The following PACRG variants were observed in gnomAD, a reference collection of about 807,000 sequenced individuals.
The protein encoded by PACRG is parkin coregulated, also known as parkin coregulated gene protein.
Under a neutral mutation model 29.7 loss-of-function variants are expected in PACRG, and 29 were observed. The observed-to-expected ratio is 0.98, with a 90% CI of 0.73 to 1.33. The LOEUF (loss-of-function observed/expected upper bound fraction) is 1.33. Ranked by LOEUF, PACRG falls within the 40% of genes most tolerant of loss-of-function variation. The pLI is 0.00. For synonymous variants in PACRG, 116 were observed against 118.7 expected (o/e 0.98, Z 0.15); for missense variants, 279 against 316.2 (o/e 0.88, Z 0.89).
chr6:162,848,519 A>G (rs1251010187), intron 2 of PACRG, among the ~76,000 whole-genome samples: 1 of 152,238 alleles, frequency 6.6e-6, no homozygotes, highest in African/African-American at 2.4e-5. Context: ...TTGCCCTGTG[A>G]CAAGATATCA....
At chr6:162,958,626 T>A (rs1432257559) in intron 2 of PACRG, among the ~76,000 whole-genome samples, 1 of 151,778 alleles carries the variant, frequency 6.6e-6, no homozygotes, top group African/African-American at 2.4e-5. Flanking sequence ...ATGTTGGACA[T>A]TGACTTGACA....
At chr6:163,090,061 C>A (rs1813954168) in intron 4 of PACRG, among the ~76,000 whole-genome samples, 1 of 143,624 alleles carries the variant, frequency 7.0e-6, no homozygotes, top group African/African-American at 2.8e-5. Flanking sequence ...CCGTACTTCT[C>A]ACATGCATGT....
chr6:162,730,186 TA>T (rs1338794986), intron 1 of PACRG, among the ~76,000 whole-genome samples: 1 of 152,036 alleles, frequency 6.6e-6, no homozygotes, highest in Non-Finnish European at 1.5e-5. Flanking sequence ...CAAATCTTGA[TA>T]AAAGAAGGCT....
chr6:163,082,500 G>A (rs1029137133), intron 3 of PACRG, among the ~76,000 whole-genome samples: 3 of 152,098 alleles, frequency 2.0e-5, no homozygotes, highest in African/African-American at 7.2e-5. Context: ...ATAATAATAT[G>A]TAATAACAAA....
intron 1 of PACRG, among the ~76,000 whole-genome samples, chr6:162,782,042 C>T (rs529391636): frequency 8.6e-5 from 13 of 151,666 alleles, no homozygotes; most frequent in African/African-American, 2.7e-4. Context: ...ACTATAAAGG[C>T]GCATACAGGT....
chr6:162,969,206 ACTTACTG>A (rs1801319844), intron 2 of PACRG, among the ~76,000 whole-genome samples: 1 of 152,112 alleles, frequency 6.6e-6, no homozygotes, highest in South Asian at 2.1e-4. Context: ...GAATAATGGT[ACTTACTG>A]CTGACTGCTG....
intron 4 of PACRG, chr6:163,166,306 C>A (rs1455895164): frequency 2.3e-6 from 1 of 427,114 alleles, no homozygotes; most frequent in Non-Finnish European, 4.8e-6. Context: ...AGAATCGGCC[C>A]TTTATTTCAA....
intron 1 of PACRG, among the ~76,000 whole-genome samples, chr6:162,746,044 A>G (rs990143570): frequency 1.3e-5 from 2 of 152,158 alleles, no homozygotes; most frequent in South Asian, 4.1e-4. Flanking sequence ...AGAAAGTAAT[A>G]CTATAAAAAA....
chr6:162,812,958 C>T (rs1006850284), intron 1 of PACRG, among the ~76,000 whole-genome samples: 4 of 151,952 alleles, frequency 2.6e-5, no homozygotes, highest in Admixed American at 6.6e-5. Context: ...AAATTCTAAA[C>T]TCTAATAAAT....
At chr6:163,149,477 C>A (rs1777983292) in intron 4 of PACRG, among the ~76,000 whole-genome samples, 1 of 152,198 alleles carries the variant, frequency 6.6e-6, no homozygotes, top group African/African-American at 2.4e-5. Flanking sequence ...ATGAAGCAAA[C>A]CCCAGTCTCC....
intron 1 of PACRG, among the ~76,000 whole-genome samples, chr6:162,787,578 GTGTGTATATATA>G (rs1241045800): frequency 2.4e-3 from 126 of 51,440 alleles, no homozygotes; most frequent in South Asian, 6.3e-3. Context: ...GTGTGTGTGT[GTGTGTATATATA>G]TATATATATA....
At chr6:162,742,724 A>T (rs1290115696) in intron 1 of PACRG, among the ~76,000 whole-genome samples, 1 of 151,926 alleles carries the variant, frequency 6.6e-6, no homozygotes, top group Non-Finnish European at 1.5e-5. Flanking sequence ...CACTTTCTTT[A>T]ACTATTCATC....
At chr6:163,033,768 G>T (rs1807892091) in intron 2 of PACRG, among the ~76,000 whole-genome samples, 1 of 152,198 alleles carries the variant, frequency 6.6e-6, no homozygotes, top group Non-Finnish European at 1.5e-5. Flanking sequence ...TGGTTACAAG[G>T]TCAAGCCCCC....
At chr6:162,825,110 A>G (rs768147400) in intron 2 of PACRG, among the ~76,000 whole-genome samples, 1 of 152,214 alleles carries the variant, frequency 6.6e-6, no homozygotes, top group Non-Finnish European at 1.5e-5. Context: ...TTTTACCTTT[A>G]AAATGACCTT....
At chr6:162,872,637 G>C (rs189777110) in intron 2 of PACRG, among the ~76,000 whole-genome samples, 2 of 152,004 alleles carry the variant, frequency 1.3e-5, no homozygotes, top group African/African-American at 4.8e-5. Flanking sequence ...TATAGAAAAC[G>C]TTCACAGGAA....
intron 4 of PACRG, among the ~76,000 whole-genome samples, chr6:163,139,850 A>C (rs1296609244): frequency 1.3e-5 from 2 of 152,168 alleles, no homozygotes; most frequent in Non-Finnish European, 2.9e-5. Context: ...TAGACTTTCT[A>C]GTCTAACTAG....
At chr6:163,154,812 C>T (rs1324411757) in intron 4 of PACRG, among the ~76,000 whole-genome samples, 1 of 152,190 alleles carries the variant, frequency 6.6e-6, no homozygotes, top group Non-Finnish European at 1.5e-5. Context: ...GGAAGAACCA[C>T]ATGCCTCACA....
intron 4 of PACRG, among the ~76,000 whole-genome samples, chr6:163,125,212 AG>A (rs1300621387): frequency 6.6e-6 from 1 of 152,250 alleles, no homozygotes; most frequent in African/African-American, 2.4e-5. Context: ...AAGAAAATAA[AG>A]TCAGGAGGTA....
intron 1 of PACRG, among the ~76,000 whole-genome samples, chr6:162,785,320 C>T (rs1402077659): frequency 2.0e-5 from 3 of 152,114 alleles, no homozygotes; most frequent in African/African-American, 7.2e-5. Context: ...ATAGATAAGT[C>T]TGCAATATTT....
Sources: gnomAD v4.1 joint callset for allele counts (sites outside exome capture counted in the v4.1 genomes callset) on GRCh38, gnomAD v4.1.1 for gene constraint, MANE v1.5 for transcripts, NCBI Gene and HGNC (gene_info 2026-07-23, HGNC 2026-07-21) for gene names.